The following UNC13B variants were observed in gnomAD, a reference collection of about 807,000 sequenced individuals.
The protein encoded by UNC13B is unc-13 homolog B, also known as protein unc-13 homolog B.
A neutral mutation model predicts 211.0 loss-of-function variants in UNC13B; 144 were observed. The ratio of observed to expected loss-of-function variants is 0.68; its 90% CI spans 0.60 to 0.78. The LOEUF is 0.78. UNC13B is among the 30% of genes least tolerant of loss of function. The pLI is 0.00. For synonymous variants in UNC13B, 709 were observed against 725.8 expected, an observed-to-expected ratio of 0.98 and a Z score of 0.37; for missense variants, 1,777 against 2,002.0, an observed-to-expected ratio of 0.89 and a Z score of 2.14.
At chr9:35,210,472 C>G (rs1317276690) in intron 1 of UNC13B, among the ~76,000 whole-genome samples, 2 of 152,198 alleles carry the variant, frequency 1.3e-5, no homozygotes, top group Admixed American at 6.5e-5. Context: ...TGACTTATTC[C>G]TACTTGCGGG....
intron 1 of UNC13B, among the ~76,000 whole-genome samples, chr9:35,225,563 T>G (rs1824788274): frequency 6.6e-6 from 1 of 152,090 alleles, no homozygotes; most frequent in Non-Finnish European, 1.5e-5. Flanking sequence ...TCTGTAGATG[T>G]ATCTATATTG....
chr9:35,390,023 CTG>C, intron 25 of UNC13B, 50 bp downstream of exon 25: 9 of 1,606,392 alleles, frequency 5.6e-6, no homozygotes, highest in Non-Finnish European at 7.7e-6. Flanking sequence ...GTCTGTCCAT[CTG>C]TCTAACAACC....
intron 1 of UNC13B, among the ~76,000 whole-genome samples, chr9:35,186,856 C>T (rs554129973): frequency 1.0e-3 from 154 of 151,988 alleles, no homozygotes; most frequent in African/African-American, 3.4e-3. Flanking sequence ...AGGAACACCG[C>T]GCCCGGCCAC....
chr9:35,166,972 G>A (rs552687153), intron 1 of UNC13B, among the ~76,000 whole-genome samples: 1 of 152,252 alleles, frequency 6.6e-6, no homozygotes, highest in Non-Finnish European at 1.5e-5. Flanking sequence ...CATGTGAGCT[G>A]CATGTGGCCC....
chr9:35,335,428 A>G (rs1564143632), intron 11 of UNC13B, among the ~76,000 whole-genome samples: 1 of 152,226 alleles, frequency 6.6e-6, no homozygotes. Flanking sequence ...GTAAGACTTC[A>G]GTAAACTTCC....
intron 20 of UNC13B, among the ~76,000 whole-genome samples, 168 bp downstream of exon 20, chr9:35,381,887 A>G (rs1380988606): frequency 6.6e-6 from 1 of 152,220 alleles, no homozygotes; most frequent in African/African-American, 2.4e-5. Context: ...AGAAGGGTAT[A>G]TGTAGAAAAA....
At chr9:35,193,273 G>T (rs774717561) in intron 1 of UNC13B, among the ~76,000 whole-genome samples, 9 of 152,148 alleles carry the variant, frequency 5.9e-5, no homozygotes, top group Non-Finnish European at 1.5e-5. Context: ...TACCCTTAGA[G>T]AATGGTTCTG....
intron 11 of UNC13B, among the ~76,000 whole-genome samples, chr9:35,328,791 A>G (rs10972431): frequency 0.16 from 22,668 of 143,840 alleles, 2,456 homozygotes; most frequent in East Asian, 0.32. Context: ...TCTTTTTGAC[A>G]GAGTCTGGCT....
chr9:35,172,459 T>C (rs1821385783), intron 1 of UNC13B, among the ~76,000 whole-genome samples: 1 of 152,212 alleles, frequency 6.6e-6, no homozygotes, highest in Non-Finnish European at 1.5e-5. Context: ...CAACCTTTCT[T>C]AATCCTCCCT....
intron 9 of UNC13B, among the ~76,000 whole-genome samples, chr9:35,308,618 A>G (rs543127589): frequency 1.3e-5 from 2 of 152,326 alleles, no homozygotes; most frequent in South Asian, 4.1e-4. Context: ...TGCCAAATGT[A>G]ATTCATTTAC....
chr9:35,396,194 T>C (rs16932395), intron 26 of UNC13B, among the ~76,000 whole-genome samples: 2,480 of 152,292 alleles, frequency 0.016, 48 homozygotes, highest in African/African-American at 0.057. Context: ...AGAGGCCAGA[T>C]GCTAGAACAA....
intron 7 of UNC13B, among the ~76,000 whole-genome samples, chr9:35,273,668 G>T (rs1828016015): frequency 1.3e-5 from 2 of 152,130 alleles, no homozygotes; most frequent in Non-Finnish European, 2.9e-5. Context: ...GTTCCTGCCT[G>T]CTCTACAAGT....
intron 1 of UNC13B, among the ~76,000 whole-genome samples, chr9:35,214,146 G>A (rs550746430): frequency 6.6e-6 from 1 of 152,272 alleles, no homozygotes; most frequent in African/African-American, 2.4e-5. Flanking sequence ...AAAAAGACCA[G>A]GCTGGGCATG....
intron 37 of UNC13B, among the ~76,000 whole-genome samples, chr9:35,400,798 G>T (rs540105298): frequency 2.0e-5 from 3 of 152,220 alleles, no homozygotes; most frequent in Non-Finnish European, 2.9e-5. Flanking sequence ...AAATGTGAAG[G>T]CTCATAGTGT....
chr9:35,162,191 C>T lies in UNC13B; in HGVS notation c.-93C>T, dbSNP rs1187581361. The T allele has an allele frequency of 2.0e-5, 30 of 1,524,868 alleles. No individual in the cohort carries two copies. Among genetic ancestry groups the T allele is most frequent in the Non-Finnish European group, 2.6e-5 (29 of 1,134,002 alleles). The allele number at this position is 1,524,868 out of a possible 1,614,324, so 94.5% of individuals were successfully genotyped here. The stretch of plus-strand genomic sequence containing the variant: ...TGAGGAGCTGCCAGACCCGTGGGGC[C>T]GGTAACGAGAGCAGTCGCGGCACCT... On this transcript the variant is annotated 5_prime_UTR_variant, in exon 1 of 40. Coordinates refer to ENST00000635942, the MANE Select transcript of UNC13B (RefSeq NM_001371189.2).
chr9:35,388,403 G>A (rs189837508), intron 24 of UNC13B, among the ~76,000 whole-genome samples: 30 of 151,906 alleles, frequency 2.0e-4, no homozygotes, highest in Admixed American at 1.4e-3. Context: ...GTGAGACTCC[G>A]TCTCAAAAAA....
At chr9:35,346,115 G>A (rs1832341106) in intron 11 of UNC13B, among the ~76,000 whole-genome samples, 1 of 152,114 alleles carries the variant, frequency 6.6e-6, no homozygotes, top group South Asian at 2.1e-4. Context: ...TTAACATCCT[G>A]AGAATCCCCA....
Position 35,236,566 on chromosome 9 carries a change from A to G in UNC13B, c.250A>G (p.Thr84Ala), listed in dbSNP as rs769802084. 2.5e-6 allele frequency: 4 copies of G among 1,614,026 alleles called. No homozygotes were observed. The highest frequency in any genetic ancestry group is 1.1e-5 in the South Asian group (1 of 91,056). The change falls in exon 4 of 40, where the codon ACT becomes GCT. Residue 84 changes from threonine (T) to alanine (A), a missense_variant. Transcript: ENST00000635942. ...GGGGACTGTGTGGATTGCGCTGAAGACTATTCGTCAGTCGGATGAGGTCAG... is the reference window on the plus strand; with the variant it reads ...GGGGACTGTGTGGATTGCGCTGAAGGCTATTCGTCAGTCGGATGAGGTCAG... Reference protein sequence around the residue: ...MVGTVWIALKTIRQSDEEGPG... With the variant: ...MVGTVWIALKAIRQSDEEGPG...
intron 1 of UNC13B, among the ~76,000 whole-genome samples, chr9:35,204,926 A>T (rs1306765489): frequency 6.6e-6 from 1 of 152,096 alleles, no homozygotes; most frequent in Non-Finnish European, 1.5e-5. Flanking sequence ...GGGCAGAATG[A>T]TATGGTTTGC....
Sources: allele counts gnomAD v4.1 joint callset (sites outside exome capture counted in the v4.1 genomes callset), GRCh38; gene constraint gnomAD v4.1.1; transcripts MANE v1.5; gene names NCBI Gene and HGNC (gene_info 2026-07-23, HGNC 2026-07-21).